ZZZ3: variants seen among roughly 807,000 people sequenced by gnomAD.
The protein encoded by ZZZ3 is zinc finger ZZ-type containing 3.
In ZZZ3, 22 loss-of-function variants were observed where a neutral mutation model predicts 95.2. The observed-to-expected ratio is 0.23, with a 90% CI of 0.17 to 0.33. The LOEUF (loss-of-function observed/expected upper bound fraction) is 0.33. Among genes scored for constraint, ZZZ3 ranks in the 10% least tolerant of loss-of-function variants. ZZZ3 has a pLI of 1.00. For synonymous variants in ZZZ3, 335 were observed against 358.9 expected, an observed-to-expected ratio of 0.93 and a Z score of 0.75; for missense variants, 885 against 1,066.5, an observed-to-expected ratio of 0.83 and a Z score of 2.37.
chr1:77,662,941 C>CA (rs745832237), intron 1 of ZZZ3, among the ~76,000 whole-genome samples: 60 of 151,932 alleles, frequency 3.9e-4, no homozygotes, highest in Non-Finnish European at 7.4e-4. Context: ...TCCGTCTCTA[C>CA]AAAAAAACAA....
intron 1 of ZZZ3, among the ~76,000 whole-genome samples, chr1:77,661,716 T>C (rs1670805255): frequency 6.6e-6 from 1 of 152,160 alleles, no homozygotes; most frequent in African/African-American, 2.4e-5. Context: ...TGGCATAAAG[T>C]GGGCACTCAA....
chr1:77,589,549 C>T (rs184475531), intron 5 of ZZZ3, among the ~76,000 whole-genome samples: 801 of 151,884 alleles, frequency 5.3e-3, no homozygotes, highest in Non-Finnish European at 8.1e-3. Flanking sequence ...GTGATCCTCT[C>T]GCCTCAGCCT....
At chr1:77,636,768 C>T (rs2100875156) in intron 4 of ZZZ3, among the ~76,000 whole-genome samples, 1 of 148,020 alleles carries the variant, frequency 6.8e-6, no homozygotes, top group African/African-American at 2.5e-5. Context: ...TTCACCATTC[C>T]ACTGATTAAA....
chr1:77,594,921 CAAAAA>C (rs371690201), intron 5 of ZZZ3, among the ~76,000 whole-genome samples: 1 of 80,702 alleles, frequency 1.2e-5, no homozygotes, highest in Non-Finnish European at 2.6e-5. Flanking sequence ...TTGACAGGCC[CAAAAA>C]AAAAAAAAAA....
At chr1:77,610,602 A>T (rs1020600343) in intron 5 of ZZZ3, among the ~76,000 whole-genome samples, 7 of 152,062 alleles carry the variant, frequency 4.6e-5, no homozygotes, top group Admixed American at 3.3e-4. Context: ...TACATTAAAA[A>T]AAAAAATTCA....
chr1:77,660,119 A>T (rs1670655106), intron 1 of ZZZ3, among the ~76,000 whole-genome samples: 1 of 152,188 alleles, frequency 6.6e-6, no homozygotes, highest in African/African-American at 2.4e-5. Flanking sequence ...GGCATGAGCC[A>T]CTGTGCCTGG....
At chr1:77,631,064 T>C (rs1305235158) in intron 5 of ZZZ3, among the ~76,000 whole-genome samples, 1 of 152,220 alleles carries the variant, frequency 6.6e-6, no homozygotes, top group Non-Finnish European at 1.5e-5. Context: ...CAGGATTATC[T>C]AGACATAGTA....
intron 1 of ZZZ3, among the ~76,000 whole-genome samples, chr1:77,657,367 TA>T (rs1670365794): frequency 6.6e-6 from 1 of 152,090 alleles, no homozygotes; most frequent in East Asian, 1.9e-4. Flanking sequence ...TTCTTGCACT[TA>T]GGAACACTAT....
At chr1:77,589,419 T>TATTA (rs1663437640) in intron 5 of ZZZ3, among the ~76,000 whole-genome samples, 1 of 84,580 alleles carries the variant, frequency 1.2e-5, no homozygotes, top group Admixed American at 1.1e-4. Flanking sequence ...TGATTTTATT[T>TATTA]ATTTATTTAT....
intron 1 of ZZZ3, among the ~76,000 whole-genome samples, chr1:77,676,601 T>C (rs1672290041): frequency 6.6e-6 from 1 of 152,228 alleles, no homozygotes. Context: ...TTATAAAACA[T>C]TGTTTTGTTA....
chr1:77,614,753 C>T (rs923459920), intron 5 of ZZZ3: 2 of 152,070 alleles, frequency 1.3e-5, no homozygotes, highest in East Asian at 1.9e-4. Context: ...AAATCCCACA[C>T]AGTATTTATC....
chr1:77,613,326 T>C (rs1665991888), intron 5 of ZZZ3, among the ~76,000 whole-genome samples: 1 of 152,046 alleles, frequency 6.6e-6, no homozygotes, highest in African/African-American at 2.4e-5. Flanking sequence ...TGCATTTAGT[T>C]GAGTTACACT....
chr1:77,592,278 G>C (rs1663777697), intron 5 of ZZZ3, among the ~76,000 whole-genome samples: 1 of 152,146 alleles, frequency 6.6e-6, no homozygotes, highest in African/African-American at 2.4e-5. Flanking sequence ...GGGCCTCAAA[G>C]ATAATCCATA....
At chr1:77,592,980 T>C (rs1460642380) in intron 5 of ZZZ3, among the ~76,000 whole-genome samples, 3 of 152,210 alleles carry the variant, frequency 2.0e-5, no homozygotes, top group African/African-American at 7.2e-5. Context: ...GGGGCACTTT[T>C]GCCTGGAGCA....
intron 5 of ZZZ3, among the ~76,000 whole-genome samples, chr1:77,594,921 CAAAAAAAAAA>C (rs371690201): frequency 1.2e-5 from 1 of 80,704 alleles, no homozygotes; most frequent in African/African-American, 4.6e-5. Flanking sequence ...TTGACAGGCC[CAAAAAAAAAA>C]AAAAAAAAAA....
intron 5 of ZZZ3, among the ~76,000 whole-genome samples, chr1:77,592,074 T>C (rs1019204932): frequency 2.0e-5 from 3 of 152,034 alleles, no homozygotes; most frequent in African/African-American, 7.2e-5. Context: ...GAGAGTTGCC[T>C]TGGGACTGAG....
chr1:77,581,757 A>C lies in ZZZ3; in HGVS notation c.1908+19T>G. The C allele has an allele frequency of 6.4e-7, 1 of 1,560,046 alleles. No individual in the cohort carries two copies. The highest frequency in any genetic ancestry group is 1.2e-5 in the South Asian group (1 of 85,130). ...TCTAAAATTCAAATTCTCCTACTCC[A>C]ATATTTCACACTGCTTACCTGAGGA... On this transcript the variant is annotated intron_variant, in intron 8 of 14. Coordinates refer to ENST00000370801, the MANE Select transcript of ZZZ3 (RefSeq NM_015534.6).
At chr1:77,604,531 A>G (rs1665044070) in intron 5 of ZZZ3, among the ~76,000 whole-genome samples, 1 of 152,222 alleles carries the variant, frequency 6.6e-6, no homozygotes, top group Non-Finnish European at 1.5e-5. Context: ...TACCAGCATC[A>G]TCTACTAGAA....
chr1:77,658,196 A>C (rs1408590432), intron 1 of ZZZ3, among the ~76,000 whole-genome samples: 1 of 151,548 alleles, frequency 6.6e-6, no homozygotes, highest in African/African-American at 2.4e-5. Flanking sequence ...AAAAAAAAAA[A>C]AAAAAACACA....
Sources: allele counts gnomAD v4.1 joint callset (sites outside exome capture counted in the v4.1 genomes callset), GRCh38; gene constraint gnomAD v4.1.1; transcripts MANE v1.5; gene names NCBI Gene and HGNC (gene_info 2026-07-23, HGNC 2026-07-21).